The following USP50 variants were observed in gnomAD, a reference collection of about 807,000 sequenced individuals.
USP50 encodes the protein ubiquitin carboxyl-terminal hydrolase 50.
Under a neutral mutation model 39.2 loss-of-function variants are expected in USP50, and 37 were observed. That is an observed-to-expected ratio of 0.94 (90% confidence interval 0.73 to 1.24). USP50 has a LOEUF of 1.24. Among genes scored for constraint, USP50 ranks in the 50% most tolerant of loss-of-function variants. The pLI, the probability that USP50 is intolerant of heterozygous loss-of-function variation, is 0.00. For missense variants in USP50, 374 were observed against 398.2 expected, an observed-to-expected ratio of 0.94 and a Z score of 0.52; for synonymous variants, 139 against 144.5, an observed-to-expected ratio of 0.96 and a Z score of 0.27.
chr15:50,494,093 G>T, exon 2 of USP50: 1 of 1,609,348 alleles, frequency 6.2e-7, no homozygotes, highest in Non-Finnish European at 8.5e-7. Flanking sequence ...GGGCATAAAG[G>T]TGAAGTGGCA....
At chr15:50,498,837 C>T (rs2052512476), downstream of USP50, 5 of 1,549,234 alleles carry the variant, frequency 3.2e-6, no homozygotes, top group Non-Finnish European at 3.5e-6. Flanking sequence ...AGCTTTGAAA[C>T]TATTGGCGTA....
chr15:50,517,512 C>T (rs1566905455), intron 6 of USP50, among the ~76,000 whole-genome samples: 1 of 151,648 alleles, frequency 6.6e-6, no homozygotes, highest in Non-Finnish European at 1.5e-5. Flanking sequence ...ATATTAGGTA[C>T]TTTTCCAATC....
intron 5 of USP50, among the ~76,000 whole-genome samples, chr15:50,531,064 A>G (rs1401791431): frequency 1.3e-5 from 2 of 152,130 alleles, no homozygotes; most frequent in Non-Finnish European, 2.9e-5. Flanking sequence ...AGCTTTTAAA[A>G]ATATAATTAT....
At chr15:50,494,724 G>C (rs2052308517) in intron 1 of USP50, among the ~76,000 whole-genome samples, 1 of 152,088 alleles carries the variant, frequency 6.6e-6, no homozygotes, top group African/African-American at 2.4e-5. Flanking sequence ...TCTAAAATAA[G>C]AATTACTTGG....
chr15:50,525,735 G>GTATATGTATA (rs2052892332), intron 6 of USP50, among the ~76,000 whole-genome samples: 5 of 125,674 alleles, frequency 4.0e-5, no homozygotes, highest in African/African-American at 1.7e-4. Flanking sequence ...ATATGTATAT[G>GTATATGTATA]TATATAATCT....
intron 6 of USP50, among the ~76,000 whole-genome samples, chr15:50,523,033 A>G (rs1173932808): frequency 6.6e-6 from 1 of 152,134 alleles, no homozygotes; most frequent in African/African-American, 2.4e-5. Flanking sequence ...CGCCAATAGG[A>G]AAAGAAAAAG....
downstream of USP50, chr15:50,497,063 A>G: frequency 1.3e-6 from 2 of 1,585,110 alleles, no homozygotes; most frequent in Non-Finnish European, 1.7e-6. Context: ...ATTAACGAGT[A>G]TCTGCTACTT....
At chr15:50,497,190 A>G (rs2052449644), downstream of USP50, 1 of 1,611,142 alleles carries the variant, frequency 6.2e-7, no homozygotes, top group Non-Finnish European at 8.5e-7. Context: ...AAAAGATAGA[A>G]ATCTGGAAGT....
chr15:50,542,770 C>T (rs1208000442), intron 3 of USP50, among the ~76,000 whole-genome samples: 1 of 151,980 alleles, frequency 6.6e-6, no homozygotes, highest in Non-Finnish European at 1.5e-5. Flanking sequence ...ATTACAGACG[C>T]GAACCACAGC....
At chr15:50,523,403 A>C in intron 6 of USP50, among the ~76,000 whole-genome samples, 1 of 150,142 alleles carries the variant, frequency 6.7e-6, no homozygotes, top group Non-Finnish European at 1.5e-5. Flanking sequence ...GAACTCCCGG[A>C]CTCAAGCAAT....
downstream of USP50, chr15:50,498,460 C>T (rs2052497499): frequency 8.7e-7 from 1 of 1,144,576 alleles, no homozygotes; most frequent in Non-Finnish European, 1.2e-6. Context: ...TTAACAGGTT[C>T]CTCTACTACT....
intron 5 of USP50, among the ~76,000 whole-genome samples, chr15:50,538,318 A>G (rs1238554760): frequency 1.3e-5 from 2 of 151,464 alleles, no homozygotes; most frequent in Non-Finnish European, 1.5e-5. Flanking sequence ...AAAGAAAAGA[A>G]AAGAAAACCA....
chr15:50,498,571 G>A (rs375527268), downstream of USP50: 5 of 1,588,188 alleles, frequency 3.1e-6, no homozygotes, highest in Non-Finnish European at 4.3e-6. Context: ...CTCTGTCAGT[G>A]TAATTGTAAT....
intron 3 of USP50, among the ~76,000 whole-genome samples, chr15:50,541,974 G>C (rs2053032999): frequency 6.6e-6 from 1 of 151,762 alleles, no homozygotes; most frequent in Admixed American, 6.6e-5. Context: ...TCGTGCTTTG[G>C]GAGGCTGAGG....
At chr15:50,504,111 TA>T (rs1055451795) in intron 6 of USP50, 2 of 152,142 alleles carry the variant, frequency 1.3e-5, no homozygotes, top group Non-Finnish European at 2.9e-5. Flanking sequence ...ACAATAAAAA[TA>T]TACATATTTT....
At chr15:50,535,739 C>A (rs1351890086) in intron 5 of USP50, among the ~76,000 whole-genome samples, 2 of 152,136 alleles carry the variant, frequency 1.3e-5, no homozygotes, top group Admixed American at 6.5e-5. Flanking sequence ...CATAGTGAGA[C>A]ATCAACTCTA....
chr15:50,529,190 C>G (rs1468022867), intron 6 of USP50, among the ~76,000 whole-genome samples: 1 of 151,842 alleles, frequency 6.6e-6, no homozygotes. Flanking sequence ...GGCTTGGTCA[C>G]AAAGTGGTTC....
chr15:50,543,685 G>A lies in USP50; in HGVS notation c.357C>T (p.Leu119=). 6.2e-7 allele frequency: 1 copy of A among 1,613,302 alleles called. No individual in the cohort carries two copies. Among genetic ancestry groups the A allele is most frequent in the South Asian group, 1.1e-5 (1 of 90,880 alleles). Residue 119 remains leucine, a synonymous_variant, in exon 3 of 7, where the codon CTC becomes CTT. Coordinates refer to ENST00000532404, the MANE Select transcript of USP50 (RefSeq NM_203494.5). Reference sequence around the variant, plus strand: ...GCATCTTTTTCGTAAATGCTGGGTAGAGGTTGCCAAGAGCTGACCAGAATA... The same window carrying A: ...GCATCTTTTTCGTAAATGCTGGGTAAAGGTTGCCAAGAGCTGACCAGAATA... ...PEIFWSALGN[L]YPAFTKKMQQ... is the part of the protein sequence containing the mutation.
At chr15:50,515,496 C>G (rs1247619590) in intron 6 of USP50, among the ~76,000 whole-genome samples, 1 of 152,008 alleles carries the variant, frequency 6.6e-6, no homozygotes, top group Non-Finnish European at 1.5e-5. Context: ...CCTGCCTCAG[C>G]CTCCCAGAGT....
Sources: allele counts gnomAD v4.1 joint callset (sites outside exome capture counted in the v4.1 genomes callset), GRCh38; gene constraint gnomAD v4.1.1; transcripts MANE v1.5; gene names NCBI Gene and HGNC (gene_info 2026-07-23, HGNC 2026-07-21).